RGS6: variants seen among roughly 807,000 people sequenced by gnomAD.
RGS6 encodes the protein regulator of G protein signaling 6.
RGS6 carries 30 observed loss-of-function variants against 78.5 expected under a neutral mutation model. The ratio of observed to expected loss-of-function variants is 0.38; its 90% CI spans 0.29 to 0.52. The LOEUF (loss-of-function observed/expected upper bound fraction) is 0.52, where lower values mean the gene tolerates loss of function less well. Ranked by LOEUF, RGS6 falls within the 20% of genes least tolerant of loss-of-function variation. RGS6 has a pLI of 0.85. For missense variants in RGS6, 495 were observed against 609.7 expected (o/e 0.81, Z 1.98); for synonymous variants, 206 against 206.0 (o/e 1.00, Z 0.00).
chr14:72,239,591 G>A (rs1005532546), intron 2 of RGS6, among the ~76,000 whole-genome samples: 1 of 152,128 alleles, frequency 6.6e-6, no homozygotes, highest in African/African-American at 2.4e-5. Context: ...GTAACACAGT[G>A]AGCACCTCTC....
rs1293716619 is a variant in RGS6 at position 72,436,458 on chromosome 14, A to T, written c.185-18070A>T. Among the ~76,000 whole-genome samples, 3 of 152,292 alleles carry T rather than the reference A, an allele frequency of 2.0e-5. No homozygotes were observed. The East Asian group carries it at 5.8e-4, about 29-fold the overall frequency. On this transcript the variant is annotated intron_variant, in intron 3 of 17. Coordinates refer to ENST00000553525, the MANE Select transcript of RGS6 (RefSeq NM_001204424.2). The stretch of plus-strand genomic sequence containing the variant: ...AAAACAGACAGTATGTTTATCATTT[A>T]TTGATCAGTTCAGCCTCTGGCTCTG...
At chr14:72,556,305 CGA>C (rs1220974503) in intron 17 of RGS6, among the ~76,000 whole-genome samples, 1 of 152,006 alleles carries the variant, frequency 6.6e-6, no homozygotes, top group Non-Finnish European at 1.5e-5. Flanking sequence ...CAAGAGAGAG[CGA>C]GTGTGTATTA....
At chr14:72,359,914 T>G (rs1424974516) in intron 3 of RGS6, among the ~76,000 whole-genome samples, 1 of 103,222 alleles carries the variant, frequency 9.7e-6, no homozygotes, top group Non-Finnish European at 1.8e-5. Flanking sequence ...TTATTGGGTG[T>G]GTCCAACCTG....
rs138273205 is a variant in RGS6 at position 72,271,420 on chromosome 14, T to C, written c.85-80675T>C. Among the ~76,000 whole-genome samples the C allele has an allele frequency of 2.6e-5, 4 of 152,072 alleles. No homozygotes were observed. In the East Asian group the frequency reaches 5.8e-4, roughly 22 times the overall value. ...GGGAAAACCACCCCCATGATTAACT[T>C]ACCTCCCACTGAGTCCCTCCACGAC... On this transcript the variant is annotated intron_variant, in intron 2 of 17. Coordinates refer to ENST00000553525, the MANE Select transcript of RGS6 (RefSeq NM_001204424.2).
At chr14:72,100,486 C>T (rs1228407694) in intron 2 of RGS6, among the ~76,000 whole-genome samples, 2 of 152,048 alleles carry the variant, frequency 1.3e-5, no homozygotes, top group Non-Finnish European at 2.9e-5. Context: ...TAGAGCAAGA[C>T]TCTCAAAAAC....
chr14:72,437,538 A>C (rs1421143915), intron 3 of RGS6, among the ~76,000 whole-genome samples: 1 of 152,164 alleles, frequency 6.6e-6, no homozygotes, highest in Non-Finnish European at 1.5e-5. Flanking sequence ...TTTTGCAAGT[A>C]ACCAGCACCT....
chr14:71,936,144 A>G (rs1213356461), intron 1 of RGS6, among the ~76,000 whole-genome samples: 1 of 150,968 alleles, frequency 6.6e-6, no homozygotes, highest in Non-Finnish European at 1.5e-5. Flanking sequence ...AGGGGAGTTT[A>G]TTAAGTATTA....
intron 3 of RGS6, among the ~76,000 whole-genome samples, chr14:72,418,404 C>T (rs941791530): frequency 6.6e-6 from 1 of 152,102 alleles, no homozygotes; most frequent in Non-Finnish European, 1.5e-5. Flanking sequence ...TGACCTCAAG[C>T]AATCCACTTA....
In RGS6 at chr14:72,474,685, C is replaced by G; in HGVS notation, c.679C>G (p.Gln227Glu). 2 of 1,613,462 alleles carry G rather than the reference C, an allele frequency of 1.2e-6. No individual in the cohort carries two copies. The highest frequency in any genetic ancestry group is 1.7e-6 in the Non-Finnish European group (2 of 1,179,726). The stretch of plus-strand genomic sequence containing the variant: ...AAAATGTCGACGTTTGAAGAATCCA[C>G]AAAAGGTTAAAAAGGTTCGCTAGTT... ...IRKCRRLKNPQKVKKSVYGVT... is the reference protein window; with the variant it reads ...IRKCRRLKNPEKVKKSVYGVT... Residue 227 changes from glutamine to glutamate, a missense_variant, in exon 10 of 18, where the codon CAA becomes GAA. Physicochemically the swap from Gln to Glu is conservative, Grantham distance 29. Transcript: ENST00000553525.
At chr14:71,891,639 C>T in the RGS6 span, among the ~76,000 whole-genome samples, 1 of 152,150 alleles carries the variant, frequency 6.6e-6, no homozygotes, top group Non-Finnish European at 1.5e-5. Flanking sequence ...AGAGACCCCA[C>T]ATTTGATGGG....
chr14:71,869,506 G>C, the RGS6 span, among the ~76,000 whole-genome samples: 1 of 152,184 alleles, frequency 6.6e-6, no homozygotes, highest in Admixed American at 6.5e-5. Context: ...TCTAAACACT[G>C]TTGCTACAGT....
intron 7 of RGS6, among the ~76,000 whole-genome samples, chr14:72,468,779 T>C (rs776425173): frequency 6.6e-5 from 10 of 152,212 alleles, no homozygotes; most frequent in African/African-American, 2.2e-4. Context: ...TCACAGTTGA[T>C]TGACATTTAG....
chr14:71,889,456 G>T, the RGS6 span, among the ~76,000 whole-genome samples: 1 of 152,084 alleles, frequency 6.6e-6, no homozygotes, highest in African/African-American at 2.4e-5. Flanking sequence ...GAGAGTCAGC[G>T]AAGGGGGATT....
At chr14:72,185,644 T>C (rs772101400) in intron 2 of RGS6, among the ~76,000 whole-genome samples, 8 of 152,290 alleles carry the variant, frequency 5.3e-5, no homozygotes, top group East Asian at 1.9e-4. Context: ...GCAGTAATTA[T>C]AGATAATAAA....
intron 8 of RGS6, among the ~76,000 whole-genome samples, chr14:72,472,655 A>T (rs1251029137): frequency 6.6e-6 from 1 of 152,182 alleles, no homozygotes; most frequent in Non-Finnish European, 1.5e-5. Context: ...AATCTAGCCT[A>T]AAACAAGTTC....
intron 13 of RGS6, among the ~76,000 whole-genome samples, chr14:72,507,206 T>TA (rs748306911): frequency 2.8e-4 from 42 of 151,976 alleles, no homozygotes; most frequent in Non-Finnish European, 5.0e-4. Context: ...CACAGACACT[T>TA]ACAGAGCAAA....
chr14:72,323,800 C>CAAAAAAAAAAAAAAAAAAAAAA (rs58303649), intron 2 of RGS6, among the ~76,000 whole-genome samples: 4 of 16,820 alleles, frequency 2.4e-4, no homozygotes, highest in Non-Finnish European at 3.2e-4. Flanking sequence ...GACTCCATCT[C>CAAAAAAAAAAAAAAAAAAAAAA]AAAAAAAAAA....
intron 3 of RGS6, among the ~76,000 whole-genome samples, chr14:72,380,220 C>T (rs928708425): frequency 1.3e-5 from 2 of 151,798 alleles, no homozygotes; most frequent in African/African-American, 2.4e-5. Context: ...AAAACTAGTA[C>T]AAGAAAACAT....
At chr14:71,964,720 C>G in intron 1 of RGS6, 52 bp from the exon 2 acceptor site, 1 of 1,272,656 alleles carries the variant, frequency 7.9e-7, no homozygotes, top group Non-Finnish European at 1.1e-6. Context: ...TTTCAAAGCC[C>G]TCTTTATATA....
Sources: allele counts gnomAD v4.1 joint callset (sites outside exome capture counted in the v4.1 genomes callset), GRCh38; gene constraint gnomAD v4.1.1; transcripts MANE v1.5; gene names NCBI Gene and HGNC (gene_info 2026-07-23, HGNC 2026-07-21).